CSMD1: variants seen among roughly 807,000 people sequenced by gnomAD.
CSMD1 encodes CUB and sushi domain-containing protein 1.
A neutral mutation model predicts 417.5 loss-of-function variants in CSMD1; 213 were observed. That is an observed-to-expected ratio of 0.51 (90% CI 0.46 to 0.57). The LOEUF is 0.57. Ranked by LOEUF, CSMD1 falls within the 20% of genes least tolerant of loss-of-function variation. CSMD1 has a pLI of 0.00. For synonymous variants in CSMD1, 2,862 were observed against 1,736.8 expected (o/e 1.65, Z -16.11); for missense variants, 6,923 against 4,529.7 (o/e 1.53, Z -15.17).
At chr8:3,665,581 C>T (rs1287950502) in intron 7 of CSMD1, among the ~76,000 whole-genome samples, 1 of 152,112 alleles carries the variant, frequency 6.6e-6, no homozygotes, top group Non-Finnish European at 1.5e-5. Context: ...TCCTTACTAT[C>T]CCACTTAATA....
intron 7 of CSMD1, among the ~76,000 whole-genome samples, chr8:3,640,559 T>C (rs1008588489): frequency 3.9e-5 from 6 of 152,216 alleles, no homozygotes; most frequent in African/African-American, 1.2e-4. Flanking sequence ...TTCCACTGGA[T>C]TGGACAAGAG....
At chr8:3,452,963 G>A (rs150130280) in intron 12 of CSMD1, among the ~76,000 whole-genome samples, 2,239 of 152,140 alleles carry the variant, frequency 0.015, 52 homozygotes, top group African/African-American at 0.051. Flanking sequence ...TTTTTTGGTT[G>A]GTAAGCTATT....
At chr8:4,876,959 T>C (rs1007066825) in intron 1 of CSMD1, among the ~76,000 whole-genome samples, 1 of 152,064 alleles carries the variant, frequency 6.6e-6, no homozygotes, top group Non-Finnish European at 1.5e-5. Context: ...CATTATGTAA[T>C]TTTATGACAA....
intron 8 of CSMD1, among the ~76,000 whole-genome samples, chr8:3,611,825 T>C (rs1188939848): frequency 1.3e-5 from 2 of 152,216 alleles, no homozygotes; most frequent in South Asian, 4.1e-4. Flanking sequence ...TACAAAATCA[T>C]GCATATACAA....
intron 55 of CSMD1, 80 bp downstream of exon 55, chr8:2,978,532 T>C (rs997855889): frequency 6.0e-6 from 7 of 1,167,204 alleles, no homozygotes; most frequent in African/African-American, 1.6e-5. Flanking sequence ...CAGTGCCTTT[T>C]AAATATACTT....
At chr8:4,862,880 G>A (rs186232272) in intron 1 of CSMD1, among the ~76,000 whole-genome samples, 30 of 152,174 alleles carry the variant, frequency 2.0e-4, no homozygotes, top group African/African-American at 6.8e-4. Context: ...TCAGGAACAT[G>A]AGGAAGGACT....
rs376219513 is a variant in CSMD1, at chr8:4,170,688, G to A, written c.416-138589C>T. 1.9e-4 allele frequency among the ~76,000 whole-genome samples: 29 copies of A among 151,292 alleles called. No homozygotes were observed. The East Asian group carries it at 2.5e-3, about 13-fold the overall frequency. On this transcript the variant is annotated intron_variant, in intron 3 of 69. Transcript: ENST00000635120. ...AATAAGTTGGAGGAGCTAGAACTCT[G>A]ACAAAAGTAAACTGATATAGCTAGC...
chr8:4,705,091 G>C (rs1807839688), intron 1 of CSMD1, among the ~76,000 whole-genome samples: 3 of 152,092 alleles, frequency 2.0e-5, no homozygotes, highest in African/African-American at 7.2e-5. Flanking sequence ...GGTTTTATAA[G>C]TGTTTGACAG....
intron 1 of CSMD1, among the ~76,000 whole-genome samples, chr8:4,683,709 G>A (rs541765209): frequency 1.3e-5 from 2 of 152,176 alleles, no homozygotes; most frequent in Non-Finnish European, 2.9e-5. Context: ...CCCACCAGGG[G>A]TCCTGATTTA....
chr8:4,299,656 A>G (rs954771926), intron 3 of CSMD1, among the ~76,000 whole-genome samples: 3 of 152,196 alleles, frequency 2.0e-5, no homozygotes, highest in Non-Finnish European at 4.4e-5. Flanking sequence ...TTTCTTTGAG[A>G]TGGAGTCTCA....
intron 47 of CSMD1, among the ~76,000 whole-genome samples, chr8:3,092,317 A>G (rs540093591): frequency 6.6e-6 from 1 of 152,322 alleles, no homozygotes; most frequent in South Asian, 2.1e-4. Flanking sequence ...ATTATTACTA[A>G]AAATATATAT....
At position 3,142,668 on chromosome 8, in the gene CSMD1, T is replaced by C. The variant is rs1818577431; in HGVS notation, c.6038A>G (p.His2013Arg). Reference protein sequence around the residue: ...RISLPIGYGAHIQFLNFSTEA... With the variant: ...RISLPIGYGARIQFLNFSTEA... Reference sequence around the variant, plus strand: ...GGTAGAAAAATTCAGAAACTGAATATGTGCACCTATGGAAAAACATGCAAA... The same window carrying C: ...GGTAGAAAAATTCAGAAACTGAATACGTGCACCTATGGAAAAACATGCAAA... The change falls in exon 41 of 70, where the codon CAT becomes CGT. Residue 2013 changes from histidine to arginine, a missense_variant. By Grantham distance (29) the His-to-Arg change is conservative. Coordinates refer to ENST00000635120, the MANE Select transcript of CSMD1 (RefSeq NM_033225.6). 6.2e-7 allele frequency: 1 copy of C among 1,611,082 alleles called. No homozygotes were observed. The highest frequency in any genetic ancestry group is 8.5e-7 in the Non-Finnish European group (1 of 1,177,252).
chr8:3,796,307 A>ACATATATCTATCAT lies in CSMD1; in HGVS notation c.819-42266_819-42265insATGATAGATATATG, dbSNP rs1800122881. Among the ~76,000 whole-genome samples, 2 of 98,042 alleles carry ACATATATCTATCAT rather than the reference A, an allele frequency of 2.0e-5. 1 individual carries two copies. Among genetic ancestry groups the ACATATATCTATCAT allele is most frequent in the African/African-American group, 7.9e-5 (2 of 25,358 alleles). The allele number at this position is 98,042 out of a possible 152,430, so 64.3% of individuals were successfully genotyped here. A position where few individuals can be genotyped will look rare whatever the true frequency, so the allele number is the denominator to read the frequency against. ...ATGTATAGATATATCTATCATGTAT[A>ACATATATCTATCAT]GATATAGATATCTATCATGTATAGA... On this transcript the variant is annotated intron_variant, in intron 5 of 69. Transcript: ENST00000635120.
chr8:4,740,388 A>G (rs1810526737), intron 1 of CSMD1, among the ~76,000 whole-genome samples: 2 of 152,172 alleles, frequency 1.3e-5, no homozygotes, highest in Admixed American at 6.5e-5. Flanking sequence ...TATTAGAATG[A>G]GGAAATAGCA....
At chr8:3,994,860 GCTT>G (rs1392255407) in intron 5 of CSMD1, among the ~76,000 whole-genome samples, 2 of 152,094 alleles carry the variant, frequency 1.3e-5, no homozygotes, top group East Asian at 1.9e-4. Flanking sequence ...TTTCCAAGTA[GCTT>G]CTTCTGAGAG....
chr8:4,500,379 C>T (rs568074951), intron 2 of CSMD1, among the ~76,000 whole-genome samples: 22 of 152,236 alleles, frequency 1.4e-4, no homozygotes, highest in Non-Finnish European at 3.1e-4. Flanking sequence ...CAAATGTGTT[C>T]ATATATCACA....
chr8:4,572,052 G>T (rs2725052), intron 2 of CSMD1, among the ~76,000 whole-genome samples: 1 of 151,738 alleles, frequency 6.6e-6, no homozygotes, highest in African/African-American at 2.4e-5. Flanking sequence ...CACACCGATG[G>T]GTCTTGACTC....
At chr8:4,602,377 A>G (rs1800636391) in intron 2 of CSMD1, among the ~76,000 whole-genome samples, 3 of 152,294 alleles carry the variant, frequency 2.0e-5, no homozygotes, top group Admixed American at 2.0e-4. Flanking sequence ...CTGCCAGGAG[A>G]GATCCACTAT....
At chr8:4,134,938 C>T (rs901629022) in intron 3 of CSMD1, among the ~76,000 whole-genome samples, 29 of 152,138 alleles carry the variant, frequency 1.9e-4, no homozygotes, top group African/African-American at 6.8e-4. Flanking sequence ...CATCTCATTC[C>T]TCAACCAACA....
Sources: allele counts gnomAD v4.1 joint callset (sites outside exome capture counted in the v4.1 genomes callset), GRCh38; gene constraint gnomAD v4.1.1; transcripts MANE v1.5; gene names NCBI Gene and HGNC (gene_info 2026-07-23, HGNC 2026-07-21).